Variants in SGCZ observed in about 807,000 individuals in gnomAD.
The protein encoded by SGCZ is zeta-sarcoglycan.
SGCZ carries 40 observed loss-of-function variants against 41.3 expected under a neutral mutation model. The observed-to-expected ratio is 0.97, with a 90% CI of 0.75 to 1.26. The LOEUF (loss-of-function observed/expected upper bound fraction) is 1.26. SGCZ is among the 50% of genes most tolerant of loss of function. The pLI is 0.00. For missense variants in SGCZ, 552 were observed against 369.8 expected, an observed-to-expected ratio of 1.49 and a Z score of -4.04; for synonymous variants, 206 against 137.5, an observed-to-expected ratio of 1.50 and a Z score of -3.49.
intron 3 of SGCZ, among the ~76,000 whole-genome samples, chr8:14,314,694 G>A (rs112598618): frequency 7.2e-5 from 11 of 152,060 alleles, no homozygotes; most frequent in African/African-American, 1.9e-4. Context: ...TGGTTCAAGG[G>A]CATATCTGAG....
chr8:14,295,147 G>A (rs1308826342), intron 3 of SGCZ, among the ~76,000 whole-genome samples: 2 of 152,004 alleles, frequency 1.3e-5, no homozygotes, highest in Non-Finnish European at 2.9e-5. Flanking sequence ...TGTTTATAGC[G>A]GCTTTATTTG....
intron 2 of SGCZ, among the ~76,000 whole-genome samples, chr8:14,354,178 A>G (rs1352039528): frequency 1.3e-5 from 2 of 152,032 alleles, no homozygotes; most frequent in South Asian, 2.1e-4. Context: ...TGTTTCTCCA[A>G]TAAACACTGT....
chr8:14,558,573 T>TGAGAGAGAGAGAGAGA (rs1446126804), intron 1 of SGCZ, among the ~76,000 whole-genome samples: 1 of 24,828 alleles, frequency 4.0e-5, no homozygotes, highest in Non-Finnish European at 8.7e-5. Flanking sequence ...AGAATGACTC[T>TGAGAGAGAGAGAGAGA]TAGAGAGAGA....
chr8:14,758,985 G>T (rs1799771242), intron 1 of SGCZ, among the ~76,000 whole-genome samples: 1 of 143,552 alleles, frequency 7.0e-6, no homozygotes, highest in African/African-American at 2.7e-5. Flanking sequence ...TCCAGCCTGG[G>T]CAACAGGAGT....
rs377546610 is a variant in SGCZ at position 14,759,695 on chromosome 8, G to C, written c.40-204769C>G. On this transcript the variant is annotated intron_variant, in intron 1 of 7. Transcript: ENST00000382080. ...GCTCACAGGTACCCATGGCCAATTA[G>C]TCCCTTATGAATTGGACCAGAGTTA... is the stretch of plus-strand genomic sequence containing the variant. Among the ~76,000 whole-genome samples, 84 of 152,230 alleles carry C rather than the reference G, an allele frequency of 5.5e-4. 2 individuals are homozygous for C. Among genetic ancestry groups the C allele is most frequent in the African/African-American group, 1.9e-3 (79 of 41,532 alleles).
At chr8:14,631,856 C>A (rs1035181214) in intron 1 of SGCZ, among the ~76,000 whole-genome samples, 3 of 152,052 alleles carry the variant, frequency 2.0e-5, no homozygotes, top group Admixed American at 2.0e-4. Context: ...AAAGAAACAA[C>A]TTCTTAGTCT....
intron 1 of SGCZ, among the ~76,000 whole-genome samples, chr8:14,734,785 A>G (rs773864860): frequency 2.2e-4 from 34 of 152,144 alleles, no homozygotes; most frequent in Non-Finnish European, 4.0e-4. Flanking sequence ...CACCCAAAAG[A>G]TAGTATTTTT....
At chr8:14,289,162 T>C (rs1392983618) in intron 3 of SGCZ, among the ~76,000 whole-genome samples, 1 of 152,096 alleles carries the variant, frequency 6.6e-6, no homozygotes, top group African/African-American at 2.4e-5. Context: ...TTAATTATTT[T>C]GGATGTTAGA....
intron 4 of SGCZ, among the ~76,000 whole-genome samples, chr8:14,223,406 CAT>C (rs765068059): frequency 3.9e-4 from 59 of 152,192 alleles, no homozygotes; most frequent in Non-Finnish European, 5.9e-4. Flanking sequence ...TAAATAAAGA[CAT>C]ATACTATAGA....
rs534537094 is a variant in SGCZ at position 14,919,365 on chromosome 8, C to A, written c.39+318220G>T. The stretch of plus-strand genomic sequence containing the variant: ...CTGAAGCAGGAGAATTGCTAGAACC[C>A]GGGAGGCGGAGGTTACAGTGAGCCG... On this transcript the variant is annotated intron_variant, in intron 1 of 7. Coordinates refer to ENST00000382080, the MANE Select transcript of SGCZ (RefSeq NM_139167.4). 1.2e-4 allele frequency among the ~76,000 whole-genome samples: 18 copies of A among 152,132 alleles called. 1 individual carries two copies. The South Asian group carries it at 3.3e-3, about 28-fold the overall frequency.
chr8:14,788,493 T>C (rs1166449271), intron 1 of SGCZ, among the ~76,000 whole-genome samples: 2 of 152,194 alleles, frequency 1.3e-5, no homozygotes, highest in Admixed American at 6.5e-5. Context: ...CTATTGTTCC[T>C]ACCATAATTC....
At chr8:14,213,871 A>C (rs1226934162) in intron 4 of SGCZ, among the ~76,000 whole-genome samples, 1 of 152,156 alleles carries the variant, frequency 6.6e-6, no homozygotes, top group Non-Finnish European at 1.5e-5. Flanking sequence ...GAAAAACGTA[A>C]TATATGTACA....
intron 3 of SGCZ, among the ~76,000 whole-genome samples, chr8:14,266,071 A>G (rs1340991095): frequency 6.6e-6 from 1 of 152,140 alleles, no homozygotes; most frequent in East Asian, 1.9e-4. Flanking sequence ...AGAGATAATA[A>G]CAGAAAACTC....
chr8:14,873,793 G>T lies in SGCZ; in HGVS notation c.40-318867C>A, dbSNP rs184814768. Among the ~76,000 whole-genome samples, 202 of 152,100 alleles carry T rather than the reference G, an allele frequency of 1.3e-3. 1 individual carries two copies. The highest frequency in any genetic ancestry group is 2.0e-3 in the Non-Finnish European group (139 of 67,976). On this transcript the variant is annotated intron_variant, in intron 1 of 7. Coordinates refer to ENST00000382080, the MANE Select transcript of SGCZ (RefSeq NM_139167.4). ...CACCATTTTACTTTTAAAAAACCTT[G>T]GCCAGATGTATACCTAATTAGGAAT...
At chr8:14,225,840 CA>C (rs1289933473) in intron 4 of SGCZ, among the ~76,000 whole-genome samples, 1 of 151,998 alleles carries the variant, frequency 6.6e-6, no homozygotes, top group African/African-American at 2.4e-5. Flanking sequence ...TGCTTTAAAT[CA>C]ATAAGAAGGC....
intron 1 of SGCZ, among the ~76,000 whole-genome samples, chr8:14,873,260 G>C (rs985264424): frequency 6.6e-6 from 1 of 152,102 alleles, no homozygotes; most frequent in Non-Finnish European, 1.5e-5. Context: ...ACACTTTAAA[G>C]GCTACAAAAG....
At chr8:14,580,871 T>G (rs1293506247) in intron 1 of SGCZ, among the ~76,000 whole-genome samples, 1 of 152,186 alleles carries the variant, frequency 6.6e-6, no homozygotes, top group African/African-American at 2.4e-5. Flanking sequence ...AGAAACATCA[T>G]GGTTGATTAG....
intron 1 of SGCZ, among the ~76,000 whole-genome samples, chr8:14,917,464 C>T (rs1017866971): frequency 6.6e-6 from 1 of 152,014 alleles, no homozygotes. Context: ...AATTACTGGG[C>T]AAGAGAGACT....
intron 5 of SGCZ, among the ~76,000 whole-genome samples, chr8:14,122,840 A>G (rs1195118527): frequency 6.6e-6 from 1 of 151,184 alleles, no homozygotes; most frequent in Non-Finnish European, 1.5e-5. Flanking sequence ...ATCACATCTT[A>G]AAGGTTTCTA....
Sources: allele counts gnomAD v4.1 joint callset (sites outside exome capture counted in the v4.1 genomes callset), GRCh38; gene constraint gnomAD v4.1.1; transcripts MANE v1.5; gene names NCBI Gene and HGNC (gene_info 2026-07-23, HGNC 2026-07-21).